EML4: variants seen among roughly 807,000 people sequenced by gnomAD.
EML4 encodes EMAP like 4.
In EML4, 72 loss-of-function variants were observed where a neutral mutation model predicts 129.0. The ratio of observed to expected loss-of-function variants is 0.56; its 90% CI spans 0.46 to 0.68. The LOEUF (loss-of-function observed/expected upper bound fraction) is 0.68. Among genes scored for constraint, EML4 ranks in the 30% least tolerant of loss-of-function variants. EML4 has a pLI of 0.00. For missense variants in EML4, 1,363 were observed against 1,190.6 expected (o/e 1.14, Z -2.13); for synonymous variants, 532 against 405.0 (o/e 1.31, Z -3.77).
At position 42,264,936 on chromosome 2, in the gene EML4, G is replaced by A. The variant is rs555563701; in HGVS notation, c.667+205G>A. Reference sequence around the variant, plus strand: ...TCAACCAGCAAAAATGTCAACTCGCGAAAAAAACAGCCAAGGTAAGAATAA... The same window carrying A: ...TCAACCAGCAAAAATGTCAACTCGCAAAAAAAACAGCCAAGGTAAGAATAA... On this transcript the variant is annotated intron_variant, in intron 6 of 22. Coordinates refer to ENST00000318522, the MANE Select transcript of EML4 (RefSeq NM_019063.5). The A allele has an allele frequency of 1.3e-4, 194 of 1,549,784 alleles. No individual in the cohort carries two copies. The African/African-American group carries it at 2.0e-3, about 16-fold the overall frequency.
intron 1 of EML4, among the ~76,000 whole-genome samples, chr2:42,217,678 C>G (rs1209217513): frequency 2.0e-5 from 3 of 152,148 alleles, no homozygotes; most frequent in African/African-American, 7.2e-5. Flanking sequence ...GTTTGTGTGT[C>G]CACATATTCG....
chr2:42,194,244 A>G (rs1415790282), intron 1 of EML4, among the ~76,000 whole-genome samples: 1 of 151,596 alleles, frequency 6.6e-6, no homozygotes, highest in Non-Finnish European at 1.5e-5. Context: ...TAGGCAAAGT[A>G]TATTTGTATA....
chr2:42,326,168 G>A lies in EML4; in HGVS notation c.2257G>A (p.Gly753Ser). 6.2e-7 allele frequency: 1 copy of A among 1,613,606 alleles called. No individual in the cohort carries two copies. Among genetic ancestry groups the A allele is most frequent in the Non-Finnish European group, 8.5e-7 (1 of 1,179,746 alleles). ...TAAATTTAAAGGGGACATTCCAAATGGCTGCAAACTAATCAGGAATCGATC... is the reference window on the plus strand; with the variant it reads ...TAAATTTAAAGGGGACATTCCAAATAGCTGCAAACTAATCAGGAATCGATC... The part of the protein sequence containing the change: ...YEILYWDIPN[G>S]CKLIRNRSDC... Residue 753 changes from glycine to serine, a missense_variant, in exon 21 of 23, where the codon GGC (glycine) becomes AGC (serine). Gly to Ser is a moderately conservative substitution (Grantham distance 56, BLOSUM62 0). Transcript: ENST00000318522.
chr2:42,170,099 T>G, intron 1 of EML4: 1 of 154,886 alleles, frequency 6.5e-6, no homozygotes, highest in Non-Finnish European at 1.4e-5. Context: ...GGCTCCTTTT[T>G]AGGGGAGGGA....
chr2:42,196,073 A>G (rs1260339778), intron 1 of EML4, among the ~76,000 whole-genome samples: 2 of 152,276 alleles, frequency 1.3e-5, no homozygotes, highest in East Asian at 3.9e-4. Context: ...ATTAACTGAG[A>G]ATTTTGGAAT....
At chr2:42,247,263 G>A (rs1438379595) in intron 2 of EML4, among the ~76,000 whole-genome samples, 2 of 152,058 alleles carry the variant, frequency 1.3e-5, no homozygotes, top group Admixed American at 6.6e-5. Flanking sequence ...AATATATATC[G>A]AGATAATGAT....
chr2:42,235,437 T>G (rs1249988369), intron 1 of EML4, among the ~76,000 whole-genome samples: 1 of 152,184 alleles, frequency 6.6e-6, no homozygotes, highest in Non-Finnish European at 1.5e-5. Flanking sequence ...TACTCCAGCC[T>G]GGGCAACAGA....
At chr2:42,202,338 C>T (rs975895459) in intron 1 of EML4, among the ~76,000 whole-genome samples, 5 of 152,016 alleles carry the variant, frequency 3.3e-5, no homozygotes, top group Non-Finnish European at 7.4e-5. Context: ...GCCAGTAGTT[C>T]GAGACTAGCC....
intron 1 of EML4, among the ~76,000 whole-genome samples, chr2:42,181,805 G>C (rs1670960880): frequency 1.3e-5 from 2 of 152,056 alleles, no homozygotes; most frequent in Admixed American, 6.6e-5. Flanking sequence ...CCTAGAATCA[G>C]CCATTTTTGC....
intron 1 of EML4, among the ~76,000 whole-genome samples, chr2:42,200,143 A>G (rs940859580): frequency 7.3e-6 from 1 of 136,650 alleles, no homozygotes; most frequent in Non-Finnish European, 1.6e-5. Flanking sequence ...CCCCATCTCT[A>G]CTAAAAATAC....
intron 13 of EML4, among the ~76,000 whole-genome samples, chr2:42,299,373 C>T (rs1668146969): frequency 6.6e-6 from 1 of 152,154 alleles, no homozygotes; most frequent in African/African-American, 2.4e-5. Flanking sequence ...TCAGTAACAA[C>T]TTCGATATAT....
rs1670104188 is a variant in EML4, at chr2:42,331,598, T to C, written c.*1391T>C. The C allele has an allele frequency of 4.4e-6, 1 of 224,812 alleles. No individual in the cohort carries two copies. The highest frequency in any genetic ancestry group is 1.8e-4 in the South Asian group (1 of 5,446). The allele number at this position is 224,812 out of a possible 1,614,324, so 13.9% of individuals were successfully genotyped here. On this transcript the variant is annotated 3_prime_UTR_variant, in exon 23 of 23. Transcript: ENST00000318522. ...TTGGTCAAATCATGTTTAGAAACTT[T>C]GGATGAGTTAAGAAGTCTTAAGTAT...
chr2:42,244,105 T>G lies in EML4; in HGVS notation c.26-1400T>G, dbSNP rs981511188. Among the ~76,000 whole-genome samples the G allele has an allele frequency of 1.1e-4, 11 of 103,740 alleles. No homozygotes were observed. In the East Asian group the frequency reaches 2.9e-3, roughly 27 times the overall value. 68.1% of individuals were successfully genotyped at this position (103,740 alleles called of 152,430 possible). On this transcript the variant is annotated intron_variant, in intron 1 of 22. Transcript: ENST00000318522. ...TGTTTTTTGTTTTTGTTTTTTGTTT[T>G]TTTTTTTTTTTTGAGACGGGGTCTT...
At position 42,295,554 on chromosome 2, in the gene EML4, C is replaced by G. The variant is rs375318460; in HGVS notation, c.1489+38C>G. Reference sequence around the variant, plus strand: ...TATATTAAACTCATTTCTGGTAATTCTCACATAGTACTCTTTCAGTCCCAT... The same window carrying G: ...TATATTAAACTCATTTCTGGTAATTGTCACATAGTACTCTTTCAGTCCCAT... On this transcript the variant is annotated intron_variant, in intron 13 of 22. Coordinates refer to ENST00000318522, the MANE Select transcript of EML4 (RefSeq NM_019063.5). The G allele has an allele frequency of 2.6e-5, 41 of 1,587,390 alleles. No individual in the cohort carries two copies. In the African/African-American group the frequency reaches 4.5e-4, roughly 17 times the overall value.
intron 1 of EML4, among the ~76,000 whole-genome samples, chr2:42,177,761 C>A (rs1558475912): frequency 6.6e-6 from 1 of 152,150 alleles, no homozygotes; most frequent in Non-Finnish European, 1.5e-5. Flanking sequence ...AAGTACAAGT[C>A]ATGTGCATGA....
At chr2:42,198,335 A>G (rs1672016138) in intron 1 of EML4, among the ~76,000 whole-genome samples, 1 of 152,170 alleles carries the variant, frequency 6.6e-6, no homozygotes, top group Admixed American at 6.5e-5. Context: ...TAATGTCTCT[A>G]AAGAAAGTAA....
At chr2:42,301,513 TC>T in intron 14 of EML4, 121 bp downstream of exon 14, 1 of 806,020 alleles carries the variant, frequency 1.2e-6, no homozygotes. Context: ...TCATTTCCTT[TC>T]CTCAAGAAAG....
At chr2:42,177,802 C>T (rs540939932) in intron 1 of EML4, among the ~76,000 whole-genome samples, 21 of 152,140 alleles carry the variant, frequency 1.4e-4, no homozygotes, top group Admixed American at 3.3e-4. Context: ...TCAGTTTAGT[C>T]GTGGTCAGGA....
intron 13 of EML4, 51 bp downstream of exon 13, chr2:42,295,567 C>G: frequency 6.6e-7 from 1 of 1,520,880 alleles, no homozygotes; most frequent in Non-Finnish European, 9.0e-7. Context: ...ACATAGTACT[C>G]TTTCAGTCCC....
Sources: gnomAD v4.1 joint callset for allele counts (sites outside exome capture counted in the v4.1 genomes callset) on GRCh38, gnomAD v4.1.1 for gene constraint, MANE v1.5 for transcripts, NCBI Gene and HGNC (gene_info 2026-07-23, HGNC 2026-07-21) for gene names.